TRAPPC12: variants seen among roughly 807,000 people sequenced by gnomAD.
The protein encoded by TRAPPC12 is TPR repeat protein 15.
Under a neutral mutation model 69.2 loss-of-function variants are expected in TRAPPC12, and 61 were observed. That is an observed-to-expected ratio of 0.88 (90% CI 0.72 to 1.09). The LOEUF (loss-of-function observed/expected upper bound fraction) is 1.09, where lower values mean the gene tolerates loss of function less well. TRAPPC12 is among the 50% of genes least tolerant of loss of function. TRAPPC12 has a pLI of 0.00. For synonymous variants in TRAPPC12, 469 were observed against 438.9 expected (o/e 1.07, Z -0.86); for missense variants, 1,101 against 1,016.4 (o/e 1.08, Z -1.13).
chr2:3,421,799 G>A, intron 3 of TRAPPC12, 82 bp from the exon 4 acceptor site: 1 of 1,252,168 alleles, frequency 8.0e-7, no homozygotes, highest in Non-Finnish European at 1.2e-6. Flanking sequence ...GAGCAGCTGT[G>A]GCCAGTGGCT....
At chr2:3,468,445 C>T (rs753684154) in intron 9 of TRAPPC12, among the ~76,000 whole-genome samples, 5 of 152,082 alleles carry the variant, frequency 3.3e-5, no homozygotes, top group Non-Finnish European at 5.9e-5. Flanking sequence ...AACCGCCTGC[C>T]GTGAGCAGTC....
chr2:3,384,838 C>T (rs921955013), intron 1 of TRAPPC12, among the ~76,000 whole-genome samples: 52 of 152,222 alleles, frequency 3.4e-4, no homozygotes, highest in Non-Finnish European at 1.0e-4. Context: ...ATTATCTGTA[C>T]GGAATCTTTG....
intron 6 of TRAPPC12, among the ~76,000 whole-genome samples, chr2:3,452,225 C>G (rs1664887052): frequency 6.6e-6 from 1 of 152,150 alleles, no homozygotes; most frequent in Admixed American, 6.5e-5. Flanking sequence ...CCTCATGGTT[C>G]TTTCTGTAGG....
At chr2:3,405,945 G>C (rs1661705663) in intron 3 of TRAPPC12, among the ~76,000 whole-genome samples, 1 of 152,142 alleles carries the variant, frequency 6.6e-6, no homozygotes, top group South Asian at 2.1e-4. Flanking sequence ...GAAGCTGCTT[G>C]TACTACATCT....
At chr2:3,397,112 G>A (rs767756765) in intron 2 of TRAPPC12, among the ~76,000 whole-genome samples, 1 of 152,196 alleles carries the variant, frequency 6.6e-6, no homozygotes, top group Non-Finnish European at 1.5e-5. Flanking sequence ...TACATGTCTA[G>A]TAATTTTTTA....
rs376742068 is a variant in TRAPPC12, at chr2:3,397,397, G to T, written c.1048-4380G>T. On this transcript the variant is annotated intron_variant, in intron 2 of 11. Transcript: ENST00000324266. ...TCAGCCCTGTGTGAGCTCTGGGCTT[G>T]CCAGCTCACAGGACTCTGTCCATGG... Among the ~76,000 whole-genome samples, 5 of 152,096 alleles carry T rather than the reference G, an allele frequency of 3.3e-5. No homozygotes were observed. The South Asian group carries it at 1.0e-3, about 32-fold the overall frequency.
intron 2 of TRAPPC12, among the ~76,000 whole-genome samples, chr2:3,396,082 C>G (rs946006303): frequency 6.6e-6 from 1 of 152,156 alleles, no homozygotes; most frequent in Non-Finnish European, 1.5e-5. Context: ...CCAGGCTGGT[C>G]TTGAACTCAT....
chr2:3,387,819 A>G lies in TRAPPC12; in HGVS notation c.196A>G (p.Met66Val). ...TCTCGCGGACAAGCTGAACGAACAC[A>G]TGATGGAGAGCGTCCTCATCTCTGA... ...SPLADKLNEH[M>V]MESVLISDSP... The change falls in exon 2 of 12, where the codon ATG (methionine) becomes GTG (valine). Residue 66 changes from methionine (M) to valine (V), a missense_variant. By Grantham distance (21) the Met-to-Val change is conservative (BLOSUM62 1). Coordinates refer to ENST00000324266, the MANE Select transcript of TRAPPC12 (RefSeq NM_016030.6). 2 of 1,612,918 alleles carry G rather than the reference A, an allele frequency of 1.2e-6. No homozygotes were observed. The highest frequency in any genetic ancestry group is 1.7e-6 in the Non-Finnish European group (2 of 1,179,208).
chr2:3,425,270 T>C (rs1010502574), intron 5 of TRAPPC12, among the ~76,000 whole-genome samples: 1 of 152,188 alleles, frequency 6.6e-6, no homozygotes, highest in Non-Finnish European at 1.5e-5. Context: ...AGTGTGCGTC[T>C]CTTGGTGGAG....
At chr2:3,471,805 A>ACTGAGAGGGTCCTCACTTGGACTTGGGT (rs1262884148) in intron 9 of TRAPPC12, among the ~76,000 whole-genome samples, 4 of 150,170 alleles carry the variant, frequency 2.7e-5, no homozygotes, top group African/African-American at 1.0e-4. Context: ...GGGACTTGGG[A>ACTGAGAGGGTCCTCACTTGGACTTGGGT]CTGAGAGGGT....
At chr2:3,383,841 C>A (rs1660346758) in intron 1 of TRAPPC12, among the ~76,000 whole-genome samples, 1 of 138,502 alleles carries the variant, frequency 7.2e-6, no homozygotes. Flanking sequence ...TTGATGTGTG[C>A]TACATATTCC....
intron 5 of TRAPPC12, among the ~76,000 whole-genome samples, chr2:3,432,334 T>C (rs1268666478): frequency 6.6e-6 from 1 of 152,204 alleles, no homozygotes; most frequent in South Asian, 2.1e-4. Flanking sequence ...CTCTCTACTC[T>C]TCCATCAGCT....
intron 6 of TRAPPC12, chr2:3,455,072 C>T (rs1012780293): frequency 9.8e-5 from 15 of 152,374 alleles, no homozygotes; most frequent in African/African-American, 2.9e-4. Context: ...CGCCACACCC[C>T]GGGGACCGCC....
intron 5 of TRAPPC12, among the ~76,000 whole-genome samples, chr2:3,432,506 T>C (rs983666285): frequency 6.6e-6 from 1 of 152,254 alleles, no homozygotes; most frequent in Non-Finnish European, 1.5e-5. Context: ...GAATTAAATA[T>C]TCAGCATGTT....
At chr2:3,426,778 A>C (rs1663127821) in intron 5 of TRAPPC12, among the ~76,000 whole-genome samples, 1 of 152,172 alleles carries the variant, frequency 6.6e-6, no homozygotes, top group African/African-American at 2.4e-5. Context: ...TCTCCCCCGG[A>C]GCAAGTCTCG....
At chr2:3,479,002 C>T (rs891399902) in intron 11 of TRAPPC12, 69 bp downstream of exon 11, 5 of 1,527,610 alleles carry the variant, frequency 3.3e-6, no homozygotes, top group Admixed American at 1.8e-5. Flanking sequence ...TACACCCACA[C>T]ACGTCTCAGC....
Position 3,401,771 on chromosome 2 carries a change from TC to T in TRAPPC12, c.1048-3del. On this transcript the variant is annotated splice_polypyrimidine_tract_variant and splice_region_variant and intron_variant, in intron 2 of 11. Transcript: ENST00000324266. The stretch of plus-strand genomic sequence containing the variant: ...TCTTGACATATTTTTCTTCTATTCT[TC>T]CCAGGGAGATGCAGTTAAAGACTTG... The T allele has an allele frequency of 6.4e-7, 1 of 1,563,498 alleles. No homozygotes were observed. Among genetic ancestry groups the T allele is most frequent in the South Asian group, 1.2e-5 (1 of 83,436 alleles).
chr2:3,387,859 A>AGGGCGACGC lies in TRAPPC12; in HGVS notation c.244_252dup (p.Ala82_Asp84dup). On this transcript the variant is annotated inframe_insertion, in exon 2 of 12. Transcript: ENST00000324266. ...CTCATCTCTGACTCCCCCAACAGCG[A>AGGGCGACGC]GGGCGACGCGGGCGACCTGGGCCGA... is the stretch of plus-strand genomic sequence containing the variant. 6.3e-7 allele frequency: 1 copy of AGGGCGACGC among 1,599,260 alleles called. No homozygotes were observed. Among genetic ancestry groups the AGGGCGACGC allele is most frequent in the East Asian group, 2.3e-5 (1 of 44,190 alleles).
chr2:3,380,054 G>T (rs1489464933), intron 1 of TRAPPC12, among the ~76,000 whole-genome samples, 178 bp downstream of exon 1: 1 of 152,208 alleles, frequency 6.6e-6, no homozygotes, highest in African/African-American at 2.4e-5. Context: ...TGCTCCGCGG[G>T]CCTTGTGCCA....
Sources: gnomAD v4.1 joint callset for allele counts (sites outside exome capture counted in the v4.1 genomes callset) on GRCh38, gnomAD v4.1.1 for gene constraint, MANE v1.5 for transcripts, NCBI Gene and HGNC (gene_info 2026-07-23, HGNC 2026-07-21) for gene names.